Variants in RADIL observed in about 807,000 individuals in gnomAD.
RADIL encodes the protein Rap associating with DIL domain, also known as ras-associating and dilute domain-containing protein.
RADIL carries 99 observed loss-of-function variants against 97.6 expected under a neutral mutation model. The ratio of observed to expected loss-of-function variants is 1.01; its 90% confidence interval spans 0.86 to 1.20. The LOEUF (loss-of-function observed/expected upper bound fraction) is 1.20. Ranked by LOEUF, RADIL falls within the 50% of genes most tolerant of loss-of-function variation. The probability of loss-of-function intolerance (pLI) is 0.00; values close to 1 mark genes in which losing one functional copy is unlikely to be tolerated. For missense variants in RADIL, 1,765 were observed against 1,498.9 expected (o/e 1.18, Z -2.93); for synonymous variants, 803 against 691.8 (o/e 1.16, Z -2.52).
chr7:4,866,388 C>T (rs1247631473), intron 2 of RADIL, among the ~76,000 whole-genome samples: 1 of 152,210 alleles, frequency 6.6e-6, no homozygotes, highest in Non-Finnish European at 1.5e-5. Context: ...TCTATTGCAA[C>T]ATATCCAGCG....
In RADIL at chr7:4,877,710, G is replaced by A. The variant is rs1784403809; in HGVS notation, c.430C>T (p.Gln144Ter). 1 of 1,614,140 alleles carries A rather than the reference G, an allele frequency of 6.2e-7. No individual in the cohort carries two copies. The highest frequency in any genetic ancestry group is 2.2e-5 in the East Asian group (1 of 44,882). Residue 144 changes from glutamine (Q) to a stop codon, truncating the protein, a stop_gained, in exon 2 of 15, where the codon CAG becomes TAG. Coordinates refer to ENST00000399583, the MANE Select transcript of RADIL (RefSeq NM_018059.5). LOFTEE classifies it high-confidence loss of function. ...FGDSEKPLLI[Q>*]ELWKPREGLS... ...CCTTCTCGGGGTTTCCATAATTCCT[G>A]GATCAAGAGGGGCTTCTCACTGTCC...
intron 10 of RADIL, among the ~76,000 whole-genome samples, chr7:4,804,973 A>C (rs1782247333): frequency 6.6e-6 from 1 of 151,958 alleles, no homozygotes; most frequent in Non-Finnish European, 1.5e-5. Context: ...GGACACCTGT[A>C]ATCCCAGCTA....
At chr7:4,882,822 C>G (rs914137789) in intron 1 of RADIL, among the ~76,000 whole-genome samples, 2 of 152,226 alleles carry the variant, frequency 1.3e-5, no homozygotes, top group African/African-American at 4.8e-5. Context: ...CTGGAATGCA[C>G]AAGAGGTGGC....
intron 2 of RADIL, among the ~76,000 whole-genome samples, chr7:4,866,082 G>A (rs1001308539): frequency 6.6e-6 from 1 of 152,118 alleles, no homozygotes; most frequent in Non-Finnish European, 1.5e-5. Context: ...CATCATTAAC[G>A]ATGCATGACT....
At chr7:4,875,041 A>C (rs1268321558) in intron 2 of RADIL, among the ~76,000 whole-genome samples, 2 of 150,076 alleles carry the variant, frequency 1.3e-5, no homozygotes, top group Non-Finnish European at 2.9e-5. Context: ...AAATACAAAA[A>C]ATTAGCCGGG....
chr7:4,805,662 G>T lies in RADIL; in HGVS notation c.2194C>A (p.His732Asn). 1.2e-6 allele frequency: 2 copies of T among 1,611,868 alleles called. No individual in the cohort carries two copies. The highest frequency in any genetic ancestry group is 2.2e-5 in the East Asian group (1 of 44,870). ...AGCTGGTAGTGAGTCAGCAGCCGGT[G>T]CAGCTGTGCTGGGCTCAGTGCGGGG... is the stretch of plus-strand genomic sequence containing the variant. ...AFPALSPAQLHRLLTHYQLAS... is the reference protein window; with the variant it reads ...AFPALSPAQLNRLLTHYQLAS... Residue 732 changes from histidine to asparagine, a missense_variant, in exon 10 of 15, where the codon CAC (histidine) becomes AAC (asparagine). Transcript: ENST00000399583.
At chr7:4,861,545 G>A (rs1783996605) in intron 2 of RADIL, 10 of 1,614,028 alleles carry the variant, frequency 6.2e-6, no homozygotes, top group Non-Finnish European at 8.5e-6. Flanking sequence ...TTCAATTACA[G>A]ACTGGGGAAG....
intron 2 of RADIL, among the ~76,000 whole-genome samples, chr7:4,845,876 CGAG>C (rs1562447909): frequency 3.3e-5 from 5 of 152,256 alleles, no homozygotes; most frequent in African/African-American, 1.2e-4. Flanking sequence ...GGGGCTGTGC[CGAG>C]GAGAGAGCAG....
At chr7:4,827,895 A>AAAAC (rs201613986) in intron 5 of RADIL, among the ~76,000 whole-genome samples, 12 of 151,692 alleles carry the variant, frequency 7.9e-5, no homozygotes, top group South Asian at 2.1e-4. Flanking sequence ...AGGACAGTGC[A>AAAAC]AAACAAACAA....
intron 2 of RADIL, among the ~76,000 whole-genome samples, chr7:4,875,240 A>T (rs1251813888): frequency 8.3e-5 from 10 of 120,662 alleles, no homozygotes; most frequent in Non-Finnish European, 1.5e-4. Context: ...ACAACAACAA[A>T]ATTAGCCGGG....
rs1428047422 is a variant in RADIL at position 4,813,819 on chromosome 7, ATGTCTATCAACTGTTCTTC to A, written c.2139+1440_2139+1458del. Among the ~76,000 whole-genome samples the A allele has an allele frequency of 6.6e-6, 1 of 152,136 alleles. No individual in the cohort carries two copies. Among genetic ancestry groups the A allele is most frequent in the African/African-American group, 2.4e-5 (1 of 41,404 alleles). On this transcript the variant is annotated intron_variant, in intron 9 of 14. Coordinates refer to ENST00000399583, the MANE Select transcript of RADIL (RefSeq NM_018059.5). The surrounding 1 kb of genome is among the most constrained non-coding windows in gnomAD (Gnocchi z 5.0). ...CATCCAAGCCTCAGTGCTTGCCACA[ATGTCTATCAACTGTTCTTC>A]TGTTTTAGCCCCATCTTGACATCGG... is the stretch of plus-strand genomic sequence containing the variant.
chr7:4,817,489 C>A lies in RADIL; in HGVS notation c.1616-138G>T, dbSNP rs1026360947. Reference sequence around the variant, plus strand: ...CTGGGGTCCAGATGCGATAAACTGGCCGAGGGACTCTGGGCCCTGGCTGGG... The same window carrying A: ...CTGGGGTCCAGATGCGATAAACTGGACGAGGGACTCTGGGCCCTGGCTGGG... On this transcript the variant is annotated intron_variant, in intron 6 of 14. Coordinates refer to ENST00000399583, the MANE Select transcript of RADIL (RefSeq NM_018059.5). This position sits in a 1 kb window ranked among gnomAD's most constrained non-coding sequence, Gnocchi z 8.3. 11 of 676,886 alleles carry A rather than the reference C, an allele frequency of 1.6e-5. No homozygotes were observed. The highest frequency in any genetic ancestry group is 2.7e-5 in the Non-Finnish European group (11 of 408,190). 41.9% of individuals were successfully genotyped at this position (676,886 alleles called of 1,614,324 possible). A position where few individuals can be genotyped will look rare whatever the true frequency, so the allele number is the denominator to read the frequency against.
Position 4,836,531 on chromosome 7 carries a change from G to A in RADIL, c.610C>T (p.Arg204Trp), listed in dbSNP as rs370518016. The stretch of plus-strand genomic sequence containing the variant: ...CGCAACCGGGGTGGAGGAGAGCTCC[G>A]GGCATCCCCCAGGGCCGGGGTCGGG... The part of the protein sequence containing the change: ...GTPTPALGDA[R>W]SSPPPRLRRT... The change falls in exon 3 of 15, where the codon CGG becomes TGG. Residue 204 changes from arginine (R) to tryptophan (W), a missense_variant. By Grantham distance (101) the Arg-to-Trp change is moderately radical. Coordinates refer to ENST00000399583, the MANE Select transcript of RADIL (RefSeq NM_018059.5). 4.4e-5 allele frequency: 70 copies of A among 1,607,506 alleles called. No individual in the cohort carries two copies. The highest frequency in any genetic ancestry group is 1.7e-4 in the Middle Eastern group (1 of 6,060).
chr7:4,870,138 T>C (rs931466820), intron 2 of RADIL, among the ~76,000 whole-genome samples: 1 of 151,872 alleles, frequency 6.6e-6, no homozygotes, highest in African/African-American at 2.4e-5. Context: ...AGTCCCTGTC[T>C]CAAACAACAA....
Position 4,840,450 on chromosome 7 carries a change from C to T in RADIL, c.536-3845G>A, listed in dbSNP as rs933321370. On this transcript the variant is annotated intron_variant, in intron 2 of 14. Coordinates refer to ENST00000399583, the MANE Select transcript of RADIL (RefSeq NM_018059.5). This position sits in a 1 kb window ranked among gnomAD's most constrained non-coding sequence, Gnocchi z 5.6. ...CCACCTTCAGAAGCATCGCATGGCG[C>T]CATCGCTAGACACACAGCGTGGAGT... 1.3e-5 allele frequency among the ~76,000 whole-genome samples: 2 copies of T among 152,240 alleles called. No individual in the cohort carries two copies. The highest frequency in any genetic ancestry group is 3.9e-4 in the East Asian group (2 of 5,170).
chr7:4,865,486 C>T (rs746952870), intron 2 of RADIL: 45 of 776,784 alleles, frequency 5.8e-5, no homozygotes, highest in Non-Finnish European at 8.1e-5. Context: ...TAATGTAATT[C>T]GTAACTCTCT....
chr7:4,861,709 C>T (rs764879207), intron 2 of RADIL: 1 of 1,572,110 alleles, frequency 6.4e-7, no homozygotes, highest in Non-Finnish European at 8.6e-7. Flanking sequence ...GGCAGTCCGT[C>T]TCCTTGGGGA....
chr7:4,857,818 A>T (rs949314758), intron 2 of RADIL: 58 of 152,768 alleles, frequency 3.8e-4, no homozygotes, highest in African/African-American at 1.3e-3. Flanking sequence ...ATATACCAGG[A>T]GTACAGATAC....
intron 5 of RADIL, among the ~76,000 whole-genome samples, chr7:4,827,625 T>G (rs139078031): frequency 6.6e-6 from 1 of 152,124 alleles, no homozygotes. Context: ...CGTGCCACTG[T>G]ACTCCAGCCT....
Sources: gnomAD v4.1 joint callset for allele counts (sites outside exome capture counted in the v4.1 genomes callset) on GRCh38, gnomAD v4.1.1 for gene constraint, Gnocchi (gnomAD v3.1) non-coding constraint, MANE v1.5 for transcripts, NCBI Gene and HGNC (gene_info 2026-07-23, HGNC 2026-07-21) for gene names.